The following BAZ2B variants were observed in gnomAD, a reference collection of about 807,000 sequenced individuals.
BAZ2B encodes bromodomain adjacent to zinc finger domain 2B.
In BAZ2B, 91 loss-of-function variants were observed where a neutral mutation model predicts 246.0. The ratio of observed to expected loss-of-function variants is 0.37; its 90% CI spans 0.31 to 0.44. The LOEUF (loss-of-function observed/expected upper bound fraction) is 0.44. Ranked by LOEUF, BAZ2B falls within the 20% of genes least tolerant of loss-of-function variation. The probability of loss-of-function intolerance (pLI) is 1.00; values close to 1 mark genes in which losing one functional copy is unlikely to be tolerated. For synonymous variants in BAZ2B, 855 were observed against 860.0 expected, an observed-to-expected ratio of 0.99 and a Z score of 0.10; for missense variants, 2,332 against 2,533.7, an observed-to-expected ratio of 0.92 and a Z score of 1.71.
chr2:159,694,808 ATG>A, the BAZ2B span: 1 of 152,176 alleles, frequency 6.6e-6, no homozygotes, highest in African/African-American at 2.4e-5. Context: ...TTTGTGTGAC[ATG>A]TGTTTTCAGT....
At chr2:159,406,965 A>G (rs1054645809) in intron 14 of BAZ2B, among the ~76,000 whole-genome samples, 2 of 151,786 alleles carry the variant, frequency 1.3e-5, no homozygotes, top group African/African-American at 2.4e-5. Flanking sequence ...CGTGTTAGAC[A>G]GGATGGTCTC....
chr2:159,577,295 A>G (rs968396427), intron 1 of BAZ2B, among the ~76,000 whole-genome samples: 3 of 152,160 alleles, frequency 2.0e-5, no homozygotes, highest in Admixed American at 6.5e-5. Flanking sequence ...AAAATTACAA[A>G]CCAGTAGAGT....
intron 13 of BAZ2B, among the ~76,000 whole-genome samples, chr2:159,423,852 G>T (rs2069241816): frequency 6.6e-6 from 1 of 152,186 alleles, no homozygotes; most frequent in South Asian, 2.1e-4. Flanking sequence ...AGACACTGGA[G>T]ACTACTTGAG....
At position 159,432,751 on chromosome 2, in the gene BAZ2B, A is replaced by T; in HGVS notation, c.1900+6T>A. 53 of 1,605,760 alleles carry T rather than the reference A, an allele frequency of 3.3e-5. No homozygotes were observed. The highest frequency in any genetic ancestry group is 4.5e-5 in the Non-Finnish European group (53 of 1,174,306). Reference sequence around the variant, plus strand: ...GAAATACTTTAAATTTTAAAATGAAAATAACCTGATTGGCTGTCATCAGAT... The same window carrying T: ...GAAATACTTTAAATTTTAAAATGAATATAACCTGATTGGCTGTCATCAGAT... On this transcript the variant is annotated splice_donor_region_variant and intron_variant, in intron 9 of 36. Coordinates refer to ENST00000392783, the MANE Select transcript of BAZ2B (RefSeq NM_013450.4).
chr2:159,588,229 A>AAAC, intron 1 of BAZ2B, among the ~76,000 whole-genome samples: 1 of 151,726 alleles, frequency 6.6e-6, no homozygotes, highest in South Asian at 2.1e-4. Flanking sequence ...AAAAAAAAAA[A>AAAC]AAACCCCTGC....
chr2:159,600,531 C>A (rs1691889060), intron 1 of BAZ2B, among the ~76,000 whole-genome samples: 1 of 152,044 alleles, frequency 6.6e-6, no homozygotes, highest in Admixed American at 6.6e-5. Context: ...GTGAAAAGAG[C>A]CTTTAAAATC....
chr2:159,454,742 A>G (rs894781940), intron 3 of BAZ2B, among the ~76,000 whole-genome samples: 1 of 152,220 alleles, frequency 6.6e-6, no homozygotes, highest in East Asian at 1.9e-4. Context: ...ATAAGTACTT[A>G]ATAAACTTAC....
intron 1 of BAZ2B, among the ~76,000 whole-genome samples, chr2:159,556,253 T>C (rs2089113074): frequency 6.6e-6 from 1 of 152,232 alleles, no homozygotes; most frequent in Non-Finnish European, 1.5e-5. Context: ...TATTTATAAA[T>C]ACTTTTCTGT....
chr2:159,385,415 T>C (rs747621005), intron 22 of BAZ2B, 46 bp from the exon 23 acceptor site: 49 of 1,501,252 alleles, frequency 3.3e-5, no homozygotes, highest in Non-Finnish European at 4.3e-5. Flanking sequence ...CAACCATTTA[T>C]ACCATAAAAA....
the BAZ2B span, among the ~76,000 whole-genome samples, chr2:159,624,151 C>G: frequency 6.6e-6 from 1 of 152,218 alleles, no homozygotes; most frequent in Non-Finnish European, 1.5e-5. Context: ...CTAGATTTCT[C>G]TTCTCTGGGC....
rs567156277 is a variant in BAZ2B at position 159,517,224 on chromosome 2, G to C, written c.-2-38503C>G. ...TCATTTTAAACTCATATATCAAAAA[G>C]AAAACAAAACAAAATATTTAACCTG... On this transcript the variant is annotated intron_variant, in intron 2 of 36. Coordinates refer to ENST00000392783, the MANE Select transcript of BAZ2B (RefSeq NM_013450.4). Among the ~76,000 whole-genome samples, 187 of 151,512 alleles carry C rather than the reference G, an allele frequency of 1.2e-3. 1 individual carries two copies. Among genetic ancestry groups the C allele is most frequent in the African/African-American group, 4.4e-3 (180 of 41,336 alleles).
chr2:159,338,256 G>A (rs1005709135), intron 31 of BAZ2B, among the ~76,000 whole-genome samples: 11 of 151,852 alleles, frequency 7.2e-5, no homozygotes, highest in Non-Finnish European at 1.3e-4. Context: ...CCTAGTTAAC[G>A]CCACTCATTT....
chr2:159,409,867 C>T (rs1489959036), intron 14 of BAZ2B, among the ~76,000 whole-genome samples: 1 of 152,014 alleles, frequency 6.6e-6, no homozygotes, highest in Non-Finnish European at 1.5e-5. Context: ...ACAGAACTTG[C>T]AAAATGCAAT....
upstream of BAZ2B, among the ~76,000 whole-genome samples, chr2:159,620,427 TACA>T (rs139341848): frequency 8.5e-4 from 129 of 152,258 alleles, no homozygotes; most frequent in Non-Finnish European, 1.5e-3. Flanking sequence ...CTGGTTGATG[TACA>T]AAGTGTGAAA....
intron 1 of BAZ2B, among the ~76,000 whole-genome samples, chr2:159,588,274 C>A (rs1027641232): frequency 1.3e-5 from 2 of 150,572 alleles, no homozygotes; most frequent in Admixed American, 1.3e-4. Context: ...AACACCTTAC[C>A]ATTATATAAC....
At chr2:159,391,219 T>C (rs2063294764) in intron 20 of BAZ2B, among the ~76,000 whole-genome samples, 1 of 152,142 alleles carries the variant, frequency 6.6e-6, no homozygotes, top group African/African-American at 2.4e-5. Context: ...GTAGATACTG[T>C]AAAATTTTTT....
chr2:159,576,274 A>G (rs1559815806), intron 1 of BAZ2B, among the ~76,000 whole-genome samples: 1 of 152,188 alleles, frequency 6.6e-6, no homozygotes, highest in Non-Finnish European at 1.5e-5. Context: ...GGATTACACA[A>G]ATAAATATAT....
chr2:159,324,841 GA>G lies in BAZ2B; in HGVS notation c.6322del (p.Ser2108ProfsTer7). On this transcript the variant is annotated frameshift_variant, in exon 36 of 37. Coordinates refer to ENST00000392783, the MANE Select transcript of BAZ2B (RefSeq NM_013450.4). LOFTEE classifies it high-confidence loss of function. ...KKVIKKPMDF[S>X]TIREKLSSGQ... ...ACTACTTAGTTTCTCTCTAATTGTG[GA>G]AAAATCCATAGGCTTCTTAATAACT... 1 of 1,526,008 alleles carries G rather than the reference GA, an allele frequency of 6.6e-7. No homozygotes were observed. The highest frequency in any genetic ancestry group is 1.3e-5 in the South Asian group (1 of 75,828). 94.5% of individuals were successfully genotyped at this position (1,526,008 alleles called of 1,614,324 possible). A position where few individuals can be genotyped will look rare whatever the true frequency, so the allele number is the denominator to read the frequency against.
chr2:159,565,130 CAA>C (rs901981199), intron 1 of BAZ2B, among the ~76,000 whole-genome samples: 2 of 152,186 alleles, frequency 1.3e-5, no homozygotes, highest in African/African-American at 4.8e-5. Flanking sequence ...CTTGGCCTCC[CAA>C]AGTGCTGGGA....
Sources: gnomAD v4.1 joint callset for allele counts (sites outside exome capture counted in the v4.1 genomes callset) on GRCh38, gnomAD v4.1.1 for gene constraint, MANE v1.5 for transcripts, NCBI Gene and HGNC (gene_info 2026-07-23, HGNC 2026-07-21) for gene names.